The following IHO1 variants were observed in gnomAD, a reference collection of about 807,000 sequenced individuals.
IHO1 encodes the protein interactor of HORMAD1 protein 1.
IHO1 carries 13 observed loss-of-function variants against 31.0 expected under a neutral mutation model. That is an observed-to-expected ratio of 0.42 (90% CI 0.27 to 0.67). IHO1 has a LOEUF of 0.67. IHO1 is among the 30% of genes least tolerant of loss of function. IHO1 has a pLI of 0.24. For missense variants in IHO1, 599 were observed against 687.5 expected (o/e 0.87, Z 1.44); for synonymous variants, 221 against 248.4 (o/e 0.89, Z 1.04).
At chr3:49,196,002 G>A (rs549783773), upstream of IHO1, among the ~76,000 whole-genome samples, 14 of 150,610 alleles carry the variant, frequency 9.3e-5, no homozygotes, top group South Asian at 2.1e-3. Flanking sequence ...TTGGGAGGTC[G>A]AGGCGGGCGG....
At chr3:49,216,762 T>C (rs1300970805) in intron 2 of IHO1, among the ~76,000 whole-genome samples, 1 of 152,042 alleles carries the variant, frequency 6.6e-6, no homozygotes, top group African/African-American at 2.4e-5. Context: ...AGGGCTAATA[T>C]CCAGAATCTA....
intron 3 of IHO1, among the ~76,000 whole-genome samples, chr3:49,238,820 A>G (rs1380887549): frequency 6.6e-6 from 1 of 152,092 alleles, no homozygotes; most frequent in Non-Finnish European, 1.5e-5. Flanking sequence ...ATCAAAGGGG[A>G]GGGGGAAGTT....
In IHO1 at chr3:49,257,954, CT is replaced by C. The variant is rs1457242480; in HGVS notation, c.*674del. 2 of 152,116 alleles carry C rather than the reference CT, an allele frequency of 1.3e-5. No individual in the cohort carries two copies. The highest frequency in any genetic ancestry group is 2.9e-5 in the Non-Finnish European group (2 of 68,038). The allele number at this position is 152,116 out of a possible 1,614,324, so 9.4% of individuals were successfully genotyped here. A position where few individuals can be genotyped will look rare whatever the true frequency, so the allele number is the denominator to read the frequency against. The stretch of plus-strand genomic sequence containing the variant: ...CCTTGTCCTGTTTTTCAAGCACTTT[CT>C]TAAAACTAATAATATTGTAGACCTT... On this transcript the variant is annotated 3_prime_UTR_variant, in exon 8 of 8. Coordinates refer to ENST00000452691, the MANE Select transcript of IHO1 (RefSeq NM_001135197.2).
At chr3:49,248,842 CT>C (rs1321328162) in intron 6 of IHO1, among the ~76,000 whole-genome samples, 1 of 152,148 alleles carries the variant, frequency 6.6e-6, no homozygotes, top group Non-Finnish European at 1.5e-5. Context: ...AATTCTCTTT[CT>C]TGGTAGGAAA....
chr3:49,192,226 G>T, the IHO1 span, among the ~76,000 whole-genome samples: 1 of 152,120 alleles, frequency 6.6e-6, no homozygotes, highest in African/African-American at 2.4e-5. Flanking sequence ...TTCAGAATAG[G>T]CTCTAACAAT....
At chr3:49,236,410 G>C in intron 2 of IHO1, 138 bp from the exon 3 acceptor site, 3 of 614,896 alleles carry the variant, frequency 4.9e-6, no homozygotes, top group Non-Finnish European at 5.8e-6. Context: ...TCATTGTACT[G>C]ACAATATACA....
At chr3:49,213,047 A>C (rs1172793822) in intron 2 of IHO1, among the ~76,000 whole-genome samples, 2 of 152,220 alleles carry the variant, frequency 1.3e-5, no homozygotes, top group Non-Finnish European at 2.9e-5. Context: ...TGAGCTAGAC[A>C]CAAAAGTTCT....
upstream of IHO1, among the ~76,000 whole-genome samples, chr3:49,197,851 G>A (rs1490861649): frequency 6.6e-6 from 1 of 151,114 alleles, no homozygotes; most frequent in Non-Finnish European, 1.5e-5. Flanking sequence ...TCCAGCCTGG[G>A]TGAAACTCCT....
Position 49,255,428 on chromosome 3 carries a change from G to C in IHO1, c.571G>C (p.Glu191Gln). 1 of 1,603,624 alleles carries C rather than the reference G, an allele frequency of 6.2e-7. No homozygotes were observed. Among genetic ancestry groups the C allele is most frequent in the Non-Finnish European group, 8.5e-7 (1 of 1,177,434 alleles). Reference sequence around the variant, plus strand: ...ACAGGCCCAGAATGACCTGGTGTTTGAGGCAGTCCAGGACAAAGGCAACAT... The same window carrying C: ...ACAGGCCCAGAATGACCTGGTGTTTCAGGCAGTCCAGGACAAAGGCAACAT... ...TIQAQNDLVF[E>Q]AVQDKGNMEQ... is the part of the protein sequence containing the mutation. The change falls in exon 7 of 8, where the codon GAG (glutamate) becomes CAG (glutamine). Residue 191 changes from glutamate to glutamine, a missense_variant. By Grantham distance (29) the Glu-to-Gln change is conservative (BLOSUM62 2). Coordinates refer to ENST00000452691, the MANE Select transcript of IHO1 (RefSeq NM_001135197.2).
At chr3:49,226,323 A>G (rs1176271681) in intron 2 of IHO1, among the ~76,000 whole-genome samples, 1 of 152,142 alleles carries the variant, frequency 6.6e-6, no homozygotes, top group Non-Finnish European at 1.5e-5. Flanking sequence ...GATATCTGCA[A>G]CTGATTGGGT....
At chr3:49,237,306 C>T (rs2046571914) in intron 3 of IHO1, among the ~76,000 whole-genome samples, 1 of 152,076 alleles carries the variant, frequency 6.6e-6, no homozygotes, top group Non-Finnish European at 1.5e-5. Context: ...GAGATCAAAC[C>T]ACTGAACTCT....
intron 3 of IHO1, 52 bp downstream of exon 3, chr3:49,236,774 G>C (rs1381561543): frequency 2.0e-6 from 3 of 1,525,480 alleles, no homozygotes; most frequent in Non-Finnish European, 2.7e-6. Context: ...TCATTATGGA[G>C]ATAAACTATA....
intron 2 of IHO1, among the ~76,000 whole-genome samples, chr3:49,218,231 C>A (rs1348181888): frequency 1.3e-5 from 2 of 151,978 alleles, no homozygotes; most frequent in Non-Finnish European, 2.9e-5. Flanking sequence ...TGGTTCCCAC[C>A]TCTCCGTCTG....
Position 49,256,482 on chromosome 3 carries a change from G to T in IHO1, c.985G>T (p.Asp329Tyr). The T allele has an allele frequency of 6.2e-7, 1 of 1,614,178 alleles. No individual in the cohort carries two copies. Among genetic ancestry groups the T allele is most frequent in the South Asian group, 1.1e-5 (1 of 91,078 alleles). Reference protein sequence around the residue: ...DVWGEGAKNDDLQEEAALPAF... With the variant: ...DVWGEGAKNDYLQEEAALPAF... ...CTGGGGTGAAGGAGCAAAGAATGAT[G>T]ATCTCCAAGAAGAGGCTGCACTGCC... Residue 329 changes from aspartate (D) to tyrosine (Y), a missense_variant, in exon 8 of 8, where the codon GAT becomes TAT. Coordinates refer to ENST00000452691, the MANE Select transcript of IHO1 (RefSeq NM_001135197.2). This position sits in a 1 kb window ranked among gnomAD's most constrained non-coding sequence, Gnocchi z 4.6.
intron 2 of IHO1, among the ~76,000 whole-genome samples, chr3:49,227,573 C>A (rs986922309): frequency 6.6e-6 from 1 of 152,096 alleles, no homozygotes; most frequent in East Asian, 1.9e-4. Flanking sequence ...TCTCGAAAAC[C>A]TGCACCCTTG....
chr3:49,219,998 C>T (rs763153851), intron 2 of IHO1, among the ~76,000 whole-genome samples: 33 of 152,166 alleles, frequency 2.2e-4, no homozygotes, highest in Non-Finnish European at 3.4e-4. Flanking sequence ...AAAGAGTGGC[C>T]TGAGCCTCCA....
chr3:49,221,650 A>G (rs1364054699), intron 2 of IHO1, among the ~76,000 whole-genome samples: 1 of 152,214 alleles, frequency 6.6e-6, no homozygotes, highest in African/African-American at 2.4e-5. Context: ...AGGCCAGCCA[A>G]AGGGCCAGTG....
chr3:49,200,688 C>A, intron 1 of IHO1: 1 of 405,080 alleles, frequency 2.5e-6, no homozygotes, highest in Non-Finnish European at 3.3e-6. Context: ...TTTTTCTCCC[C>A]TTTTATGCTT....
chr3:49,236,475 A>C, intron 2 of IHO1, 73 bp from the exon 3 acceptor site: 146 of 1,044,440 alleles, frequency 1.4e-4, no homozygotes, highest in Non-Finnish European at 1.9e-4. Flanking sequence ...TCTGAAATGG[A>C]CAGCTGTGAA....
Sources: gnomAD v4.1 joint callset for allele counts (sites outside exome capture counted in the v4.1 genomes callset) on GRCh38, gnomAD v4.1.1 for gene constraint, Gnocchi (gnomAD v3.1) non-coding constraint, MANE v1.5 for transcripts, NCBI Gene and HGNC (gene_info 2026-07-23, HGNC 2026-07-21) for gene names.